GATA3: variants seen among roughly 807,000 people sequenced by gnomAD.
GATA3 encodes the protein GATA binding protein 3.
A neutral mutation model predicts 36.0 loss-of-function variants in GATA3; 6 were observed. The observed-to-expected ratio is 0.17, with a 90% CI of 0.09 to 0.33. GATA3 has a LOEUF of 0.33. Among genes scored for constraint, GATA3 ranks in the 10% least tolerant of loss-of-function variants. The pLI, the probability that GATA3 is intolerant of heterozygous loss-of-function variation, is 1.00. For synonymous variants in GATA3, 326 were observed against 273.0 expected (o/e 1.19, Z -1.92); for missense variants, 514 against 610.1 (o/e 0.84, Z 1.66).
At position 8,064,268 on chromosome 10, in the gene GATA3, G is replaced by GT. The variant is rs59622436; in HGVS notation, c.924+143dup. The GT allele has an allele frequency of 0.045, 28,488 of 628,382 alleles. 32 individuals carry two copies. Among genetic ancestry groups the GT allele is most frequent in the Middle Eastern group, 0.058 (123 of 2,134 alleles). 38.9% of individuals were successfully genotyped at this position (628,382 alleles called of 1,614,324 possible). On this transcript the variant is annotated intron_variant, in intron 4 of 5. Coordinates refer to ENST00000379328, the MANE Select transcript of GATA3 (RefSeq NM_001002295.2). ...CAATCGTGTCAGCTGGCTTGGGACA[G>GT]TTTTTTTTTTTTTCCTTTTTCTTTC... is the stretch of plus-strand genomic sequence containing the variant.
intron 5 of GATA3, among the ~76,000 whole-genome samples, chr10:8,071,064 A>G (rs1832923364): frequency 6.6e-6 from 1 of 152,188 alleles, no homozygotes; most frequent in Non-Finnish European, 1.5e-5. Context: ...CTATGAAATT[A>G]TTTTTGGGCT....
intron 1 of GATA3, among the ~76,000 whole-genome samples, chr10:8,047,479 G>C (rs1423696921): frequency 6.6e-6 from 1 of 152,224 alleles, no homozygotes; most frequent in Middle Eastern, 3.2e-3. Flanking sequence ...TTTGTGTGCA[G>C]ACCAAATCTT....
At position 8,075,010 on chromosome 10, in the gene GATA3, T is replaced by G. The variant is rs183890714; in HGVS notation, c.*987T>G. On this transcript the variant is annotated 3_prime_UTR_variant, in exon 6 of 6. Coordinates refer to ENST00000379328, the MANE Select transcript of GATA3 (RefSeq NM_001002295.2). ...GTCTTGTCCCTATTCCTGCAGCCTG[T>G]GCTGAGGGTAGCAGTGTATGAGCTA... The G allele has an allele frequency of 2.8e-3, 663 of 233,380 alleles. 3 individuals are homozygous for G. The highest frequency in any genetic ancestry group is 0.014 in the African/African-American group (628 of 45,490). 14.5% of individuals were successfully genotyped at this position (233,380 alleles called of 1,614,324 possible). A position where few individuals can be genotyped will look rare whatever the true frequency, so the allele number is the denominator to read the frequency against.
chr10:8,057,279 A>ACTGGCTTT (rs1162616433), intron 2 of GATA3, among the ~76,000 whole-genome samples: 8 of 152,314 alleles, frequency 5.3e-5, no homozygotes, highest in African/African-American at 1.9e-4. Context: ...TGAGGCAGGT[A>ACTGGCTTT]CTGGCTTTAA....
intron 4 of GATA3, among the ~76,000 whole-genome samples, chr10:8,067,158 C>A (rs980832883): frequency 6.6e-6 from 1 of 152,166 alleles, no homozygotes; most frequent in African/African-American, 2.4e-5. Flanking sequence ...GTTGTTTAAG[C>A]ATTAAATTAC....
chr10:8,072,600 A>T (rs1434645668), intron 5 of GATA3, among the ~76,000 whole-genome samples: 1 of 152,228 alleles, frequency 6.6e-6, no homozygotes, highest in Non-Finnish European at 1.5e-5. Context: ...GAAGAGAGAA[A>T]TGGCAGATGT....
chr10:8,057,382 G>A (rs1832657953), intron 2 of GATA3, among the ~76,000 whole-genome samples: 1 of 152,182 alleles, frequency 6.6e-6, no homozygotes, highest in African/African-American at 2.4e-5. Context: ...CGTTTTAAAT[G>A]AAGGCTAATC....
intron 4 of GATA3, among the ~76,000 whole-genome samples, 177 bp downstream of exon 4, chr10:8,064,315 T>C (rs1319669509): frequency 6.7e-6 from 1 of 150,302 alleles, no homozygotes; most frequent in African/African-American, 2.4e-5. Context: ...CTTCTTCTTT[T>C]TTTTTTTTTT....
intron 3 of GATA3, among the ~76,000 whole-genome samples, chr10:8,060,530 TTTTTC>T (rs1832729875): frequency 1.8e-5 from 1 of 56,946 alleles, no homozygotes; most frequent in Non-Finnish European, 4.4e-5. Flanking sequence ...ATTTCTTTTC[TTTTTC>T]TTTTTTTTTT....
upstream of GATA3, chr10:8,050,924 G>A (rs762566810): frequency 4.3e-6 from 2 of 464,978 alleles, no homozygotes; most frequent in East Asian, 6.8e-5. Context: ...GCGCGCGGGC[G>A]CCCGGGGCCG....
At chr10:8,059,615 C>T (rs1237227439) in intron 3 of GATA3, among the ~76,000 whole-genome samples, 4 of 152,314 alleles carry the variant, frequency 2.6e-5, no homozygotes, top group South Asian at 2.1e-4. Context: ...GAAAAGTGCT[C>T]CAGGTGTGTA....
chr10:8,050,873 C>T (rs763859093), upstream of GATA3: 2 of 446,276 alleles, frequency 4.5e-6, no homozygotes, highest in Non-Finnish European at 4.5e-6. Flanking sequence ...TTTAGGACTT[C>T]GACCCCGGGG....
chr10:8,074,240 G>A lies in GATA3; in HGVS notation c.*217G>A. 1 of 587,208 alleles carries A rather than the reference G, an allele frequency of 1.7e-6. No homozygotes were observed. Among genetic ancestry groups the A allele is most frequent in the Non-Finnish European group, 3.0e-6 (1 of 333,676 alleles). 36.4% of individuals were successfully genotyped at this position (587,208 alleles called of 1,614,324 possible). On this transcript the variant is annotated 3_prime_UTR_variant, in exon 6 of 6. Transcript: ENST00000379328. ...ACCCCATCTGTGAATAAGCCATTCTGACTCATATCCCCTATTTAACAGGGT... is the reference window on the plus strand; with the variant it reads ...ACCCCATCTGTGAATAAGCCATTCTAACTCATATCCCCTATTTAACAGGGT...
Position 8,058,608 on chromosome 10 carries a change from A to G in GATA3, c.545A>G (p.Glu182Gly). Residue 182 changes from glutamate to glycine, a missense_variant, in exon 3 of 6, where the codon GAG (glutamate) becomes GGG (glycine). Physicochemically the swap from Glu to Gly is moderately conservative, Grantham distance 98 (BLOSUM62 -2). Around this residue, in one of 3 missense-constraint regions of GATA3, gnomAD observed 381 missense variants for 354.3 expected, o/e 1.08. Transcript: ENST00000379328. ...GGCTCGGCCCGGCAGGACGAGAAAG[A>G]GTGCCTCAAGTACCAGGTGCCCCTG... is the stretch of plus-strand genomic sequence containing the variant. ...SAGSARQDEK[E>G]CLKYQVPLPD... The G allele has an allele frequency of 1.9e-6, 3 of 1,612,274 alleles. No individual in the cohort carries two copies. The highest frequency in any genetic ancestry group is 2.5e-6 in the Non-Finnish European group (3 of 1,179,898).
At position 8,058,798 on chromosome 10, in the gene GATA3, C is replaced by T. The variant is rs773299400; in HGVS notation, c.735C>T (p.Thr245=). Residue 245 remains threonine, a synonymous_variant, in exon 3 of 6, where the codon ACC becomes ACT. Transcript: ENST00000379328. ...PPSSLLGGSP[T]GFGCKSRPKA... Reference sequence around the variant, plus strand: ...GCAGCCTGCTGGGCGGCTCCCCCACCGGCTTCGGATGCAAGTCCAGGCCCA... The same window carrying T: ...GCAGCCTGCTGGGCGGCTCCCCCACTGGCTTCGGATGCAAGTCCAGGCCCA... 1.4e-5 allele frequency: 23 copies of T among 1,607,586 alleles called. No homozygotes were observed. Among genetic ancestry groups the T allele is most frequent in the Admixed American group, 3.3e-5 (2 of 60,002 alleles).
Position 8,055,773 on chromosome 10 carries a change from C to A in GATA3, c.118C>A (p.Gln40Lys). ...CAGCCACTCCTACATGGACGCGGCG[C>A]AGTACCCGCTGCCGGAGGAGGTGGA... Reference protein sequence around the residue: ...GLSHSYMDAAQYPLPEEVDVL... With the variant: ...GLSHSYMDAAKYPLPEEVDVL... The change falls in exon 2 of 6, where the codon CAG becomes AAG. Residue 40 changes from glutamine to lysine, a missense_variant. Physicochemically the swap from Gln to Lys is moderately conservative, Grantham distance 53. Around this residue, in one of 3 missense-constraint regions of GATA3, gnomAD observed 381 missense variants for 354.3 expected, o/e 1.08. Coordinates refer to ENST00000379328, the MANE Select transcript of GATA3 (RefSeq NM_001002295.2). The surrounding 1 kb of genome is among the most constrained non-coding windows in gnomAD (Gnocchi z 5.4). 6.3e-7 allele frequency: 1 copy of A among 1,591,894 alleles called. No individual in the cohort carries two copies. The highest frequency in any genetic ancestry group is 8.6e-7 in the Non-Finnish European group (1 of 1,169,268).
chr10:8,073,882 C>T lies in GATA3; in HGVS notation c.1194C>T (p.Ser398=), dbSNP rs754368349. ...GCTCGTTTAACCCGGCCGCCCTCTCCAGACACATGTCCTCCCTGAGCCACA... is the reference window on the plus strand; with the variant it reads ...GCTCGTTTAACCCGGCCGCCCTCTCTAGACACATGTCCTCCCTGAGCCACA... ...KNSSFNPAAL[S]RHMSSLSHIS... Residue 398 remains serine, a synonymous_variant, in exon 6 of 6, where the codon TCC becomes TCT. Transcript: ENST00000379328. The T allele has an allele frequency of 6.2e-7, 1 of 1,614,016 alleles. No individual in the cohort carries two copies.
At position 8,060,870 on chromosome 10, in the gene GATA3, A is replaced by G. The variant is rs11567906; in HGVS notation, c.778+2029A>G. Among the ~76,000 whole-genome samples, 606 of 152,160 alleles carry G rather than the reference A, an allele frequency of 4.0e-3. 8 individuals carry two copies. The highest frequency in any genetic ancestry group is 0.014 in the African/African-American group (577 of 41,516). On this transcript the variant is annotated intron_variant, in intron 3 of 5. Transcript: ENST00000379328. ...GCGAGGAGGAGAGGAGGCCATTTCA[A>G]TTTGGCCTTTTTACTTCCTCCTTCT...
upstream of GATA3, chr10:8,052,566 G>T (rs1484607370): frequency 1.3e-5 from 2 of 152,262 alleles, no homozygotes; most frequent in Non-Finnish European, 2.9e-5. Flanking sequence ...TGTGAGCTGG[G>T]CTCACGCTGC....
Sources: gnomAD v4.1 joint callset for allele counts (sites outside exome capture counted in the v4.1 genomes callset) on GRCh38, gnomAD v4.1.1 for gene constraint, gnomAD v4.1.1 regional missense constraint, Gnocchi (gnomAD v3.1) non-coding constraint, MANE v1.5 for transcripts, NCBI Gene and HGNC (gene_info 2026-07-23, HGNC 2026-07-21) for gene names.